C8orf34: variants seen among roughly 807,000 people sequenced by gnomAD.
C8orf34 encodes the protein uncharacterized protein C8orf34.
C8orf34 carries 65 observed loss-of-function variants against 68.3 expected under a neutral mutation model. The ratio of observed to expected loss-of-function variants is 0.95; its 90% CI spans 0.78 to 1.17. The LOEUF is 1.17. Ranked by LOEUF, C8orf34 falls within the 50% of genes most tolerant of loss-of-function variation. The pLI, the probability that C8orf34 is intolerant of heterozygous loss-of-function variation, is 0.00. For missense variants in C8orf34, 664 were observed against 655.4 expected (o/e 1.01, Z -0.14); for synonymous variants, 244 against 241.2 (o/e 1.01, Z -0.11).
intron 10 of C8orf34, among the ~76,000 whole-genome samples, chr8:68,773,872 G>A (rs1823425080): frequency 6.6e-6 from 1 of 152,130 alleles, no homozygotes; most frequent in Non-Finnish European, 1.5e-5. Flanking sequence ...CTGTCAAGAA[G>A]CTTGCTTTAT....
At chr8:68,469,389 C>A (rs1404377601) in intron 4 of C8orf34, among the ~76,000 whole-genome samples, 1 of 151,912 alleles carries the variant, frequency 6.6e-6, no homozygotes, top group Admixed American at 6.6e-5. Flanking sequence ...CCTCCATGTG[C>A]CTTGGTCCGC....
intron 9 of C8orf34, among the ~76,000 whole-genome samples, chr8:68,710,019 C>T (rs976277673): frequency 5.3e-5 from 8 of 152,016 alleles, no homozygotes; most frequent in African/African-American, 1.9e-4. Flanking sequence ...ACATCTCCAG[C>T]CATAAAAGAA....
chr8:68,396,939 C>T (rs1808739819), intron 1 of C8orf34, among the ~76,000 whole-genome samples: 3 of 151,906 alleles, frequency 2.0e-5, no homozygotes, highest in Non-Finnish European at 2.9e-5. Flanking sequence ...TCATGTATTC[C>T]TTTATAGCAA....
intron 1 of C8orf34, among the ~76,000 whole-genome samples, chr8:68,386,104 G>C (rs1265123005): frequency 6.6e-6 from 1 of 152,058 alleles, no homozygotes; most frequent in Non-Finnish European, 1.5e-5. Flanking sequence ...ATGAGGTCTT[G>C]TTGTGTTGCC....
intron 8 of C8orf34, among the ~76,000 whole-genome samples, chr8:68,701,518 T>C (rs1016637538): frequency 2.6e-5 from 4 of 151,986 alleles, no homozygotes; most frequent in Non-Finnish European, 5.9e-5. Context: ...TTCACATTTT[T>C]TTTTCCCCGC....
chr8:68,491,815 C>G (rs1481959645), intron 5 of C8orf34, among the ~76,000 whole-genome samples: 2 of 152,176 alleles, frequency 1.3e-5, no homozygotes, highest in Non-Finnish European at 2.9e-5. Flanking sequence ...AGTCGTGATT[C>G]TGCCCACACT....
chr8:68,530,337 AT>A (rs1403819805), intron 6 of C8orf34, among the ~76,000 whole-genome samples: 9 of 152,256 alleles, frequency 5.9e-5, no homozygotes, highest in Middle Eastern at 3.4e-3. Flanking sequence ...ACTATGTTCA[AT>A]TGTCATTCAT....
intron 1 of C8orf34, among the ~76,000 whole-genome samples, chr8:68,368,213 T>C (rs1585999097): frequency 1.3e-5 from 2 of 152,256 alleles, no homozygotes; most frequent in East Asian, 3.9e-4. Flanking sequence ...CAGGAAAGTT[T>C]TTCAATGATT....
At chr8:68,708,630 A>G (rs1395789018) in intron 8 of C8orf34, among the ~76,000 whole-genome samples, 4 of 152,062 alleles carry the variant, frequency 2.6e-5, no homozygotes, top group Admixed American at 2.6e-4. Context: ...TGACTCCCAG[A>G]CCCTGATGTT....
chr8:68,608,604 T>A (rs1317943082), intron 7 of C8orf34, among the ~76,000 whole-genome samples: 2 of 151,176 alleles, frequency 1.3e-5, no homozygotes, highest in East Asian at 1.9e-4. Context: ...AAATTGAGAA[T>A]CAGGCAGGGT....
At chr8:68,619,617 G>A (rs1818329208) in intron 7 of C8orf34, among the ~76,000 whole-genome samples, 1 of 152,186 alleles carries the variant, frequency 6.6e-6, no homozygotes, top group South Asian at 2.1e-4. Context: ...TCTAAAATAA[G>A]GAGGTTACTT....
At chr8:68,768,967 A>G (rs1823263019) in intron 10 of C8orf34, among the ~76,000 whole-genome samples, 1 of 152,036 alleles carries the variant, frequency 6.6e-6, no homozygotes, top group Admixed American at 6.6e-5. Context: ...TGATGGTAAT[A>G]TAAATATTTT....
intron 8 of C8orf34, among the ~76,000 whole-genome samples, chr8:68,704,236 T>G (rs1239068946): frequency 6.6e-6 from 1 of 152,120 alleles, no homozygotes; most frequent in Non-Finnish European, 1.5e-5. Flanking sequence ...GCACAGGTGC[T>G]AAGACTTTTG....
chr8:68,406,369 G>A (rs539825880), intron 1 of C8orf34, among the ~76,000 whole-genome samples: 1 of 152,172 alleles, frequency 6.6e-6, no homozygotes, highest in Non-Finnish European at 1.5e-5. Context: ...TGATGACCCA[G>A]TTGGGAGAGA....
intron 3 of C8orf34, among the ~76,000 whole-genome samples, chr8:68,451,701 T>C (rs1434869296): frequency 6.6e-6 from 1 of 151,984 alleles, no homozygotes; most frequent in Admixed American, 6.6e-5. Flanking sequence ...ACAATAGTAA[T>C]ATCAAAGATC....
chr8:68,426,650 T>TA (rs896089195), intron 1 of C8orf34, among the ~76,000 whole-genome samples: 7 of 148,774 alleles, frequency 4.7e-5, no homozygotes, highest in African/African-American at 9.9e-5. Context: ...CAAAACATAT[T>TA]AAAAAAAAGA....
chr8:68,534,077 G>T, intron 7 of C8orf34: 1 of 983,886 alleles, frequency 1.0e-6, no homozygotes, highest in African/African-American at 1.7e-5. Context: ...AGATTCCTTG[G>T]TTTTAAGTGT....
chr8:68,451,871 C>T (rs1811359598), intron 3 of C8orf34, among the ~76,000 whole-genome samples: 1 of 151,736 alleles, frequency 6.6e-6, no homozygotes, highest in Non-Finnish European at 1.5e-5. Flanking sequence ...CGAATGTTTA[C>T]TTTGTAAAAA....
chr8:68,765,078 TAA>T (rs199826701), intron 10 of C8orf34, among the ~76,000 whole-genome samples: 2,199 of 152,352 alleles, frequency 0.014, 47 homozygotes, highest in African/African-American at 0.047. Flanking sequence ...CCTTTCATTA[TAA>T]ACTAAACACT....
Sources: allele counts gnomAD v4.1 joint callset (sites outside exome capture counted in the v4.1 genomes callset), GRCh38; gene constraint gnomAD v4.1.1; transcripts MANE v1.5; gene names NCBI Gene and HGNC (gene_info 2026-07-23, HGNC 2026-07-21).